The following INTS3 variants were observed in gnomAD, a reference collection of about 807,000 sequenced individuals.
INTS3 encodes SOSS complex subunit A.
INTS3 carries 34 observed loss-of-function variants against 146.3 expected under a neutral mutation model. The observed-to-expected ratio is 0.23, with a 90% CI of 0.18 to 0.31. INTS3 has a LOEUF of 0.31. INTS3 is among the 10% of genes least tolerant of loss of function. The pLI, the probability that INTS3 is intolerant of heterozygous loss-of-function variation, is 1.00. For synonymous variants in INTS3, 475 were observed against 494.9 expected, an observed-to-expected ratio of 0.96 and a Z score of 0.53; for missense variants, 757 against 1,304.2, an observed-to-expected ratio of 0.58 and a Z score of 6.46.
intron 3 of INTS3, among the ~76,000 whole-genome samples, chr1:153,746,622 C>G (rs911923223): frequency 6.6e-6 from 1 of 151,908 alleles, no homozygotes; most frequent in Non-Finnish European, 1.5e-5. Flanking sequence ...AGGATGGTCT[C>G]GATCTCCTGA....
chr1:153,733,651 A>G (rs972573562), intron 1 of INTS3, among the ~76,000 whole-genome samples: 1 of 151,628 alleles, frequency 6.6e-6, no homozygotes, highest in African/African-American at 2.4e-5. Flanking sequence ...TCCGTCACCC[A>G]GGCTGGAGTG....
chr1:153,769,081 C>T, intron 22 of INTS3, 120 bp downstream of exon 22: 1 of 788,924 alleles, frequency 1.3e-6, no homozygotes, highest in Non-Finnish European at 2.2e-6. Context: ...ACCCTCCCTC[C>T]TGGCTACAGT....
intron 3 of INTS3, among the ~76,000 whole-genome samples, chr1:153,742,409 G>A (rs531119173): frequency 6.6e-6 from 1 of 152,048 alleles, no homozygotes; most frequent in East Asian, 1.9e-4. Flanking sequence ...TAAAGAAATT[G>A]TTGGCAAAGA....
chr1:153,731,577 C>CTTTTTTTTTTTTTTTTTTTTTTTTT (rs1491428244), intron 1 of INTS3, among the ~76,000 whole-genome samples: 1 of 129,230 alleles, frequency 7.7e-6, no homozygotes, highest in Non-Finnish European at 1.6e-5. Context: ...CAAGAGCGTC[C>CTTTTTTTTTTTTTTTTTTTTTTTTT]TCTTTTTTTT....
At position 153,773,356 on chromosome 1, in the gene INTS3, A is replaced by G; in HGVS notation, c.*86A>G. The G allele has an allele frequency of 7.9e-7, 1 of 1,270,880 alleles. No individual in the cohort carries two copies. The highest frequency in any genetic ancestry group is 1.2e-6 in the Non-Finnish European group (1 of 868,970). 78.7% of individuals were successfully genotyped at this position (1,270,880 alleles called of 1,614,324 possible). ...GGTTAATAGAGGCTGAGGAGATTGCAGGGGAAACACCCTTGCTGCATCCCC... is the reference window on the plus strand; with the variant it reads ...GGTTAATAGAGGCTGAGGAGATTGCGGGGGAAACACCCTTGCTGCATCCCC... On this transcript the variant is annotated 3_prime_UTR_variant, in exon 30 of 30. Transcript: ENST00000318967.
chr1:153,770,537 G>A lies in INTS3; in HGVS notation c.2504-148G>A, dbSNP rs1027805546. On this transcript the variant is annotated intron_variant, in intron 24 of 29. Transcript: ENST00000318967. ...CTGGGGCTCAGGTGGCTCAGGGACT[G>A]ATAGGAGTGGGGTAGGGGATTCTTC... is the stretch of plus-strand genomic sequence containing the variant. 1.8e-5 allele frequency: 13 copies of A among 733,478 alleles called. No homozygotes were observed. In the Middle Eastern group the frequency reaches 1.1e-3, roughly 63 times the overall value. The allele number at this position is 733,478 out of a possible 1,614,324, so 45.4% of individuals were successfully genotyped here.
chr1:153,741,819 T>C (rs1174563320), intron 3 of INTS3, among the ~76,000 whole-genome samples: 2 of 152,240 alleles, frequency 1.3e-5, no homozygotes, highest in African/African-American at 4.8e-5. Flanking sequence ...ACATGATTGA[T>C]GCAGTAAATA....
At chr1:153,760,079 G>A (rs755301793) in intron 11 of INTS3, 14 of 577,554 alleles carry the variant, frequency 2.4e-5, no homozygotes, top group African/African-American at 3.7e-5. Context: ...GAAACAGACT[G>A]ACTTTAGCCT....
In INTS3 at chr1:153,728,795, G is replaced by A. The variant is rs763661910; in HGVS notation, c.150+11G>A. 17 of 1,588,074 alleles carry A rather than the reference G, an allele frequency of 1.1e-5. No homozygotes were observed. Among genetic ancestry groups the A allele is most frequent in the African/African-American group, 1.4e-5 (1 of 72,430 alleles). On this transcript the variant is annotated intron_variant, in intron 1 of 29. Coordinates refer to ENST00000318967, the MANE Select transcript of INTS3 (RefSeq NM_023015.5). ...GATGAGTTAGAGGAGGTAGGTGTGGGGGGAGGGAAGGGAGTTAAGAAATTG... is the reference window on the plus strand; with the variant it reads ...GATGAGTTAGAGGAGGTAGGTGTGGAGGGAGGGAAGGGAGTTAAGAAATTG...
chr1:153,741,104 C>A (rs563229431), intron 2 of INTS3, among the ~76,000 whole-genome samples, 181 bp from the exon 3 acceptor site: 1 of 152,098 alleles, frequency 6.6e-6, no homozygotes, highest in Non-Finnish European at 1.5e-5. Flanking sequence ...CCACACCTGT[C>A]GTCCTTATCT....
In INTS3 at chr1:153,762,431, T is replaced by C. The variant is rs531524911; in HGVS notation, c.1517-297T>C. Among the ~76,000 whole-genome samples the C allele has an allele frequency of 2.3e-3, 343 of 152,120 alleles. 1 individual carries two copies. The highest frequency in any genetic ancestry group is 4.1e-3 in the Non-Finnish European group (278 of 67,966). Reference sequence around the variant, plus strand: ...TGCACTCCAGCCCAGGCGACAAGAGTGAGACTAGCACTTCGGACTGTCCCT... The same window carrying C: ...TGCACTCCAGCCCAGGCGACAAGAGCGAGACTAGCACTTCGGACTGTCCCT... On this transcript the variant is annotated intron_variant, in intron 14 of 29. Transcript: ENST00000318967.
At position 153,763,328 on chromosome 1, in the gene INTS3, C is replaced by A. The variant is rs1672458103; in HGVS notation, c.1732C>A (p.Leu578Met). ...TPYLDQLDES[L>M]RDKVLQLQKG... is the part of the protein sequence containing the mutation. ...TTACCTTGACCAGTTGGATGAGTCC[C>A]TGAGGGACAAAGTACTCCAGCTACA... The change falls in exon 16 of 30, where the codon CTG becomes ATG. Residue 578 changes from leucine (L) to methionine (M), a missense_variant. This residue lies in a region of INTS3 where 89 missense variants were observed against 210.9 expected (regional missense o/e 0.42). Coordinates refer to ENST00000318967, the MANE Select transcript of INTS3 (RefSeq NM_023015.5). The A allele has an allele frequency of 6.2e-7, 1 of 1,614,052 alleles. No individual in the cohort carries two copies. Among genetic ancestry groups the A allele is most frequent in the African/African-American group, 1.3e-5 (1 of 74,910 alleles).
intron 1 of INTS3, among the ~76,000 whole-genome samples, chr1:153,731,599 T>G (rs1671063200): frequency 6.8e-6 from 1 of 147,756 alleles, no homozygotes; most frequent in South Asian, 2.2e-4. Flanking sequence ...TTTTTTTTTT[T>G]TGAGATGGAG....
intron 3 of INTS3, among the ~76,000 whole-genome samples, chr1:153,742,507 T>TGTGTGTGTGTGTGTGTGTGC (rs1297466558): frequency 9.7e-5 from 14 of 144,950 alleles, no homozygotes; most frequent in African/African-American, 3.5e-4. Context: ...TGTGTGTGTG[T>TGTGTGTGTGTGTGTGTGTGC]GCGTGCGCAT....
intron 15 of INTS3, 29 bp downstream of exon 15, chr1:153,762,876 G>T: frequency 6.2e-7 from 1 of 1,612,802 alleles, no homozygotes; most frequent in Non-Finnish European, 8.5e-7. Context: ...GCTAGTTCAG[G>T]GTTGTGTCAG....
intron 6 of INTS3, among the ~76,000 whole-genome samples, chr1:153,749,131 T>C (rs2101800565): frequency 6.6e-6 from 1 of 152,244 alleles, no homozygotes; most frequent in East Asian, 1.9e-4. Flanking sequence ...CCCTGCAAGC[T>C]TCTCCATCCA....
At chr1:153,767,640 C>T (rs1159096484) in intron 20 of INTS3, 34 bp from the exon 21 acceptor site, 4 of 1,533,902 alleles carry the variant, frequency 2.6e-6, no homozygotes, top group Non-Finnish European at 2.6e-6. Flanking sequence ...GCACTGGGGT[C>T]AGGCTGCTGG....
chr1:153,744,044 T>C (rs1398439538), intron 3 of INTS3, among the ~76,000 whole-genome samples: 8 of 55,116 alleles, frequency 1.5e-4, no homozygotes, highest in African/African-American at 3.2e-4. Context: ...TGTGCGTGTG[T>C]GTGTGTGTGT....
chr1:153,755,098 A>G (rs1360625947), intron 9 of INTS3, among the ~76,000 whole-genome samples: 1 of 152,226 alleles, frequency 6.6e-6, no homozygotes, highest in Non-Finnish European at 1.5e-5. Context: ...TAAGAAACCC[A>G]CGATTGCTCC....
Sources: allele counts gnomAD v4.1 joint callset (sites outside exome capture counted in the v4.1 genomes callset), GRCh38; gene constraint gnomAD v4.1.1; regional missense constraint gnomAD v4.1.1; transcripts MANE v1.5; gene names NCBI Gene and HGNC (gene_info 2026-07-23, HGNC 2026-07-21).